Variants in TSPAN19 observed in about 807,000 individuals in gnomAD.
TSPAN19 encodes the protein tetraspanin-19.
Under a neutral mutation model 35.1 loss-of-function variants are expected in TSPAN19, and 44 were observed. The observed-to-expected ratio is 1.25, with a 90% CI of 0.98 to 1.61. The LOEUF is 1.61. Among genes scored for constraint, TSPAN19 ranks in the 40% most tolerant of loss-of-function variants. The pLI is 0.00. For missense variants in TSPAN19, 290 were observed against 280.0 expected (o/e 1.04, Z -0.26); for synonymous variants, 79 against 92.0 (o/e 0.86, Z 0.81).
At position 85,030,122 on chromosome 12, in the gene TSPAN19, G is replaced by A. The variant is rs558316963; in HGVS notation, c.-27-149C>T. ...CTCTAAATGAAAGGATTTATTGAAG[G>A]TATCTTGAAACTGTACCTTGCCTGC... On this transcript the variant is annotated intron_variant, in intron 1 of 8. Coordinates refer to ENST00000532498, the MANE Select transcript of TSPAN19 (RefSeq NM_001100917.2). 302 of 647,438 alleles carry A rather than the reference G, an allele frequency of 4.7e-4. 8 individuals are homozygous for A. The South Asian group carries it at 9.5e-3, about 20-fold the overall frequency. The allele number at this position is 647,438 out of a possible 1,614,324, so 40.1% of individuals were successfully genotyped here.
At position 85,023,366 on chromosome 12, in the gene TSPAN19, T is replaced by C. The variant is rs1301106757; in HGVS notation, c.299A>G (p.Gln100Arg). 2.5e-6 allele frequency: 4 copies of C among 1,589,056 alleles called. No individual in the cohort carries two copies. In the African/African-American group the frequency reaches 4.0e-5, roughly 16 times the overall value. ...GATGATGAATGCTGAAAGTACAACC[T>C]GAACAGCAAAGGTCCATGTTATCAA... is the stretch of plus-strand genomic sequence containing the variant. ...AVLITWTFAV[Q>R]VVLSAFIITK... The change falls in exon 5 of 9, where the codon CAG becomes CGG. Residue 100 changes from glutamine to arginine, a missense_variant. Physicochemically the swap from Gln to Arg is conservative, Grantham distance 43. Transcript: ENST00000532498.
Position 85,023,403 on chromosome 12 carries a change from A to T in TSPAN19, c.265-3T>A. 1.9e-6 allele frequency: 3 copies of T among 1,566,744 alleles called. No individual in the cohort carries two copies. Among genetic ancestry groups the T allele is most frequent in the Non-Finnish European group, 2.6e-6 (3 of 1,154,018 alleles). On this transcript the variant is annotated splice_region_variant and splice_polypyrimidine_tract_variant and intron_variant, in intron 4 of 8. Coordinates refer to ENST00000532498, the MANE Select transcript of TSPAN19 (RefSeq NM_001100917.2). ...GTCCATGTTATCAATACTGCATACT[A>T]AAACAAAAGAAAAATAGAGATGATG...
chr12:85,021,085 T>G (rs1877096789), intron 5 of TSPAN19, among the ~76,000 whole-genome samples: 1 of 152,220 alleles, frequency 6.6e-6, no homozygotes, highest in African/African-American at 2.4e-5. Context: ...CAAATTTATA[T>G]AATTTTTTAT....
intron 8 of TSPAN19, 136 bp from the exon 9 acceptor site, chr12:85,014,691 T>A: frequency 1.6e-6 from 1 of 615,598 alleles, no homozygotes; most frequent in South Asian, 2.2e-5. Context: ...AATTTCAGAA[T>A]AAGGTACATA....
At chr12:85,033,017 G>A (rs1036264557) in intron 1 of TSPAN19, among the ~76,000 whole-genome samples, 4 of 152,066 alleles carry the variant, frequency 2.6e-5, no homozygotes, top group Admixed American at 2.0e-4. Flanking sequence ...AGTTCCAAGA[G>A]ATGGGAACAC....
At chr12:85,021,382 T>C (rs1400445607) in intron 5 of TSPAN19, among the ~76,000 whole-genome samples, 2 of 152,028 alleles carry the variant, frequency 1.3e-5, no homozygotes, top group Non-Finnish European at 2.9e-5. Context: ...TGTATTTTAA[T>C]ACATTTAAGA....
At chr12:85,034,251 T>C (rs957776378) in intron 1 of TSPAN19, among the ~76,000 whole-genome samples, 2 of 152,176 alleles carry the variant, frequency 1.3e-5, no homozygotes, top group African/African-American at 4.8e-5. Context: ...GCAACTATTT[T>C]GAACACAACA....
At chr12:85,015,631 G>T (rs1876752862) in intron 8 of TSPAN19, 1 of 250,606 alleles carries the variant, frequency 4.0e-6, no homozygotes, top group South Asian at 1.3e-4. Flanking sequence ...GATATATATA[G>T]AAAGAAAGAT....
At position 85,026,235 on chromosome 12, in the gene TSPAN19, TGTGACAAGAA is replaced by T. The variant is rs1210499076; in HGVS notation, c.264+1654_264+1663del. The stretch of plus-strand genomic sequence containing the variant: ...CATTTCCTTTGCCTATATGGAAATT[TGTGACAAGAA>T]GAAAAAAATCAAGGTTTTCTTGCAA... On this transcript the variant is annotated intron_variant, in intron 4 of 8. Coordinates refer to ENST00000532498, the MANE Select transcript of TSPAN19 (RefSeq NM_001100917.2). 7.9e-5 allele frequency among the ~76,000 whole-genome samples: 12 copies of T among 152,262 alleles called. No homozygotes were observed. The East Asian group carries it at 2.1e-3, about 27-fold the overall frequency.
At chr12:85,028,492 T>C (rs1446703381) in intron 3 of TSPAN19, among the ~76,000 whole-genome samples, 1 of 152,196 alleles carries the variant, frequency 6.6e-6, no homozygotes, top group Admixed American at 6.6e-5. Context: ...CCCTCAGTGC[T>C]AGAGATTATA....
At chr12:85,027,814 C>T (rs1024733548) in intron 4 of TSPAN19, 85 bp downstream of exon 4, 31 of 1,322,502 alleles carry the variant, frequency 2.3e-5, no homozygotes, top group Middle Eastern at 2.0e-4. Flanking sequence ...CAGTGCCATG[C>T]TAATATAAAT....
chr12:85,034,296 C>A (rs1277117934), intron 1 of TSPAN19, among the ~76,000 whole-genome samples: 1 of 152,120 alleles, frequency 6.6e-6, no homozygotes, highest in Admixed American at 6.6e-5. Flanking sequence ...ATATCACTGC[C>A]ATATGAAGAA....
Position 85,014,534 on chromosome 12 carries a change from C to T in TSPAN19, c.700G>A (p.Val234Ile). The T allele has an allele frequency of 6.2e-7, 1 of 1,600,046 alleles. No homozygotes were observed. Among genetic ancestry groups the T allele is most frequent in the Non-Finnish European group, 8.5e-7 (1 of 1,172,536 alleles). The change falls in exon 9 of 9, where the codon GTT becomes ATT. Residue 234 changes from valine (V) to isoleucine (I), a missense_variant. Physicochemically the swap from Val to Ile is conservative, Grantham distance 29. Transcript: ENST00000532498. ...TSEVFQVSLT[V>I]CFFKNIKNII... is the part of the protein sequence containing the mutation. ...TTCTTGATGTTTTTGAAGAAACAAA[C>T]TGTTAATGAGACTTGGAAAACCTGG...
intron 7 of TSPAN19, 187 bp downstream of exon 7, chr12:85,017,269 A>G (rs1360266633): frequency 1.1e-5 from 6 of 568,902 alleles, no homozygotes; most frequent in Non-Finnish European, 1.8e-5. Flanking sequence ...TACTTTACGT[A>G]TTATACACTG....
At chr12:85,031,154 G>A (rs1268443748) in intron 1 of TSPAN19, among the ~76,000 whole-genome samples, 1 of 151,972 alleles carries the variant, frequency 6.6e-6, no homozygotes, top group East Asian at 1.9e-4. Flanking sequence ...CTCAGTTTAC[G>A]GAGTCACTAC....
intron 1 of TSPAN19, chr12:85,034,985 AATT>A (rs1320619233): frequency 6.6e-6 from 1 of 152,222 alleles, no homozygotes; most frequent in Non-Finnish European, 1.5e-5. Context: ...TTAATTTTGA[AATT>A]ATTAAAGGAT....
chr12:85,023,535 T>G, intron 4 of TSPAN19, 135 bp from the exon 5 acceptor site: 1 of 573,986 alleles, frequency 1.7e-6, no homozygotes, highest in Middle Eastern at 4.7e-4. Context: ...GCTTCCTGCC[T>G]TCACAAATAT....
intron 1 of TSPAN19, among the ~76,000 whole-genome samples, chr12:85,035,692 A>T (rs1410031466): frequency 6.6e-6 from 1 of 152,080 alleles, no homozygotes; most frequent in Non-Finnish European, 1.5e-5. Context: ...GTTATTAATT[A>T]AAATATTATT....
At chr12:85,028,426 T>C (rs1351158364) in intron 3 of TSPAN19, among the ~76,000 whole-genome samples, 1 of 152,210 alleles carries the variant, frequency 6.6e-6, no homozygotes, top group Non-Finnish European at 1.5e-5. Flanking sequence ...CCTGAATTTA[T>C]TGCTAATATG....
Sources: allele counts gnomAD v4.1 joint callset (sites outside exome capture counted in the v4.1 genomes callset), GRCh38; gene constraint gnomAD v4.1.1; transcripts MANE v1.5; gene names NCBI Gene and HGNC (gene_info 2026-07-23, HGNC 2026-07-21).